ENPP6: variants seen among roughly 807,000 people sequenced by gnomAD.
The protein encoded by ENPP6 is glycerophosphocholine cholinephosphodiesterase ENPP6.
ENPP6 carries 32 observed loss-of-function variants against 42.0 expected under a neutral mutation model. The ratio of observed to expected loss-of-function variants is 0.76; its 90% CI spans 0.58 to 1.02. The LOEUF is 1.02. ENPP6 is among the 50% of genes least tolerant of loss of function. ENPP6 has a pLI of 0.00. For missense variants in ENPP6, 552 were observed against 566.8 expected (o/e 0.97, Z 0.27); for synonymous variants, 213 against 216.0 (o/e 0.99, Z 0.12).
intron 5 of ENPP6, among the ~76,000 whole-genome samples, chr4:184,114,662 A>T (rs1165740003): frequency 6.6e-6 from 1 of 152,080 alleles, no homozygotes; most frequent in African/African-American, 2.4e-5. Context: ...TGACTTGAAC[A>T]GTACCTTGGA....
chr4:184,150,820 G>C (rs959843506), intron 2 of ENPP6, among the ~76,000 whole-genome samples: 1 of 152,202 alleles, frequency 6.6e-6, no homozygotes, highest in Admixed American at 6.5e-5. Flanking sequence ...GGAAACTCTA[G>C]GAGGCTATCT....
At chr4:184,170,514 T>G (rs1737444123) in intron 1 of ENPP6, among the ~76,000 whole-genome samples, 1 of 152,210 alleles carries the variant, frequency 6.6e-6, no homozygotes, top group African/African-American at 2.4e-5. Flanking sequence ...GAGTGTCTTT[T>G]AACTGATAAT....
chr4:184,136,881 A>T (rs566034059), intron 2 of ENPP6, among the ~76,000 whole-genome samples: 1 of 152,038 alleles, frequency 6.6e-6, no homozygotes, highest in African/African-American at 2.4e-5. Context: ...CTCCATTATT[A>T]TTACTCAAAT....
intron 1 of ENPP6, among the ~76,000 whole-genome samples, chr4:184,206,896 C>T (rs1733009774): frequency 6.6e-6 from 1 of 152,232 alleles, no homozygotes; most frequent in African/African-American, 2.4e-5. Context: ...TTGGGGAGAT[C>T]TCTATCCTTG....
chr4:184,204,824 G>A (rs1732965733), intron 1 of ENPP6, among the ~76,000 whole-genome samples: 2 of 152,228 alleles, frequency 1.3e-5, no homozygotes, highest in South Asian at 4.1e-4. Flanking sequence ...AAGCATGATT[G>A]TAGTTTTTTC....
intron 6 of ENPP6, among the ~76,000 whole-genome samples, chr4:184,100,957 C>T (rs1735990384): frequency 6.6e-6 from 1 of 152,114 alleles, no homozygotes; most frequent in Admixed American, 6.6e-5. Context: ...AAGGGGGCTG[C>T]AGCTGCTGGG....
chr4:184,173,930 G>A (rs1016590575), intron 1 of ENPP6, among the ~76,000 whole-genome samples: 1 of 152,090 alleles, frequency 6.6e-6, no homozygotes, highest in Non-Finnish European at 1.5e-5. Context: ...GATCCATCCC[G>A]GGGGGACACC....
intron 6 of ENPP6, among the ~76,000 whole-genome samples, chr4:184,103,828 T>C (rs896194932): frequency 2.0e-5 from 3 of 152,170 alleles, no homozygotes; most frequent in Non-Finnish European, 2.9e-5. Flanking sequence ...TGAAACAGAA[T>C]GTAATTGCTC....
At chr4:184,144,589 T>A (rs550207649) in intron 2 of ENPP6, among the ~76,000 whole-genome samples, 5 of 152,324 alleles carry the variant, frequency 3.3e-5, no homozygotes, top group African/African-American at 9.6e-5. Context: ...CCAGGGAGCC[T>A]GACGTCAAGT....
At chr4:184,102,714 C>G (rs924850337) in intron 6 of ENPP6, among the ~76,000 whole-genome samples, 4 of 152,230 alleles carry the variant, frequency 2.6e-5, no homozygotes, top group African/African-American at 9.6e-5. Context: ...CTGGTGCTGC[C>G]CCTCTGGCCT....
chr4:184,147,829 C>T (rs1355053256), intron 2 of ENPP6, among the ~76,000 whole-genome samples: 1 of 151,290 alleles, frequency 6.6e-6, no homozygotes, highest in African/African-American at 2.4e-5. Flanking sequence ...TTCAGCTTGG[C>T]TCTTAGAGCC....
At chr4:184,215,261 T>C (rs1733179241) in intron 1 of ENPP6, among the ~76,000 whole-genome samples, 1 of 152,228 alleles carries the variant, frequency 6.6e-6, no homozygotes, top group Non-Finnish European at 1.5e-5. Context: ...CTCTTGTGAA[T>C]GCTGAGGAAC....
At chr4:184,130,068 T>C (rs1736568115) in intron 2 of ENPP6, among the ~76,000 whole-genome samples, 1 of 152,110 alleles carries the variant, frequency 6.6e-6, no homozygotes, top group Non-Finnish European at 1.5e-5. Flanking sequence ...GGCATTGAGA[T>C]TGGGTGCGGA....
intron 2 of ENPP6, among the ~76,000 whole-genome samples, chr4:184,128,449 G>A (rs777367877): frequency 6.6e-5 from 10 of 152,114 alleles, no homozygotes; most frequent in Non-Finnish European, 1.5e-4. Context: ...TCAAAGTGCT[G>A]GAATTACAGG....
intron 1 of ENPP6, among the ~76,000 whole-genome samples, chr4:184,156,801 C>G (rs1381545898): frequency 6.6e-6 from 1 of 152,174 alleles, no homozygotes. Context: ...GTTCATTCCA[C>G]AGAGTCTTAC....
At chr4:184,162,145 G>A (rs1737271865) in intron 1 of ENPP6, among the ~76,000 whole-genome samples, 1 of 152,028 alleles carries the variant, frequency 6.6e-6, no homozygotes, top group South Asian at 2.1e-4. Flanking sequence ...GCATCTCACT[G>A]TCTCATTGCT....
chr4:184,116,042 C>A (rs1278961941), intron 5 of ENPP6, among the ~76,000 whole-genome samples: 1 of 151,416 alleles, frequency 6.6e-6, no homozygotes, highest in Non-Finnish European at 1.5e-5. Context: ...GGTGAAACCC[C>A]GTCTCTACTA....
chr4:184,178,426 G>A (rs1732488582), intron 1 of ENPP6, among the ~76,000 whole-genome samples: 1 of 152,126 alleles, frequency 6.6e-6, no homozygotes, highest in African/African-American at 2.4e-5. Flanking sequence ...AAAGAGAATG[G>A]AACCAAGCTG....
Position 184,117,064 on chromosome 4 carries a change from G to C in ENPP6, c.676-29C>G, listed in dbSNP as rs759475639. 1.9e-5 allele frequency: 31 copies of C among 1,613,044 alleles called. 2 individuals carry two copies. The Admixed American group carries it at 3.5e-4, about 18-fold the overall frequency. ...TGGGGTGGGAAAAGACAGTCATTACGGCACCAACAGAGAGGCTCGTGCACT... is the reference window on the plus strand; with the variant it reads ...TGGGGTGGGAAAAGACAGTCATTACCGCACCAACAGAGAGGCTCGTGCACT... On this transcript the variant is annotated intron_variant, in intron 4 of 7. Transcript: ENST00000296741.
Sources: allele counts gnomAD v4.1 joint callset (sites outside exome capture counted in the v4.1 genomes callset), GRCh38; gene constraint gnomAD v4.1.1; transcripts MANE v1.5; gene names NCBI Gene and HGNC (gene_info 2026-07-23, HGNC 2026-07-21).